FAT1: variants seen among roughly 807,000 people sequenced by gnomAD.
The protein encoded by FAT1 is FAT atypical cadherin 1.
Under a neutral mutation model 329.8 loss-of-function variants are expected in FAT1, and 171 were observed. The ratio of observed to expected loss-of-function variants is 0.52; its 90% confidence interval spans 0.46 to 0.59. The LOEUF (loss-of-function observed/expected upper bound fraction) is 0.59. Ranked by LOEUF, FAT1 falls within the 20% of genes least tolerant of loss-of-function variation. The probability of loss-of-function intolerance (pLI) is 0.00; values close to 1 mark genes in which losing one functional copy is unlikely to be tolerated. For synonymous variants in FAT1, 2,233 were observed against 2,228.6 expected, an observed-to-expected ratio of 1.00 and a Z score of -0.06; for missense variants, 5,672 against 5,774.4, an observed-to-expected ratio of 0.98 and a Z score of 0.57.
chr4:186,618,048 A>G lies in FAT1; in HGVS notation c.8538T>C (p.Tyr2846=), dbSNP rs1198866664. Residue 2846 remains tyrosine, a synonymous_variant, in exon 10 of 27, where the codon TAT becomes TAC. Transcript: ENST00000441802. ...ADSGTNGQVM[Y]SLDQSQSVEV... The stretch of plus-strand genomic sequence containing the variant: ...CCACACTTTGTGACTGATCCAGGCT[A>G]TACATAACTTGGCCGTTGGTTCCTG... The G allele has an allele frequency of 3.1e-6, 5 of 1,613,928 alleles. No homozygotes were observed. The highest frequency in any genetic ancestry group is 4.2e-6 in the Non-Finnish European group (5 of 1,179,902).
intron 1 of FAT1, among the ~76,000 whole-genome samples, chr4:186,715,723 C>A (rs1280429833): frequency 2.0e-5 from 3 of 152,180 alleles, no homozygotes; most frequent in Non-Finnish European, 2.9e-5. Context: ...GGTGATCACA[C>A]TACTTAAACT....
rs2126391628 is a variant in FAT1 at position 186,596,893 on chromosome 4, G to C, written c.12647C>G (p.Pro4216Arg). Residue 4216 changes from proline (P) to arginine (R), a missense_variant, in exon 25 of 27, where the codon CCT becomes CGT. Physicochemically the swap from Pro to Arg is moderately radical, Grantham distance 103. Transcript: ENST00000441802. This position sits in a 1 kb window ranked among gnomAD's most constrained non-coding sequence, Gnocchi z 4.7. ...ISRKKKHQAEPKDKHLGPATA... is the reference protein window; with the variant it reads ...ISRKKKHQAERKDKHLGPATA... Reference sequence around the variant, plus strand: ...AGCGGGTCCCAGGTGCTTGTCTTTAGGTTCAGCCTGATGCTTCTTTTTCCG... The same window carrying C: ...AGCGGGTCCCAGGTGCTTGTCTTTACGTTCAGCCTGATGCTTCTTTTTCCG... 1.2e-6 allele frequency: 2 copies of C among 1,614,010 alleles called. No individual in the cohort carries two copies. Among genetic ancestry groups the C allele is most frequent in the Non-Finnish European group, 1.7e-6 (2 of 1,179,894 alleles).
chr4:186,588,709 T>C lies in FAT1; in HGVS notation c.13650A>G (p.Ser4550=), dbSNP rs2126348626. ...CCTCGGACTCCACTTCGCAGCAGGCTGACACGTCAGAGCAGGAGGCGGTGG... is the reference window on the plus strand; with the variant it reads ...CCTCGGACTCCACTTCGCAGCAGGCCGACACGTCAGAGCAGGAGGCGGTGG... ...YASTASCSDV[S]ACCEVESEVM... Residue 4550 remains serine (S), a synonymous_variant, in exon 27 of 27, where the codon TCA becomes TCG. Transcript: ENST00000441802. 1 of 1,613,994 alleles carries C rather than the reference T, an allele frequency of 6.2e-7. No homozygotes were observed. Among genetic ancestry groups the C allele is most frequent in the South Asian group, 1.1e-5 (1 of 91,078 alleles).
rs2126688600 is a variant in FAT1 at position 186,707,445 on chromosome 4, A to G, written c.2383T>C (p.Tyr795His). The change falls in exon 2 of 27, where the codon TAT becomes CAT. Residue 795 changes from tyrosine (Y) to histidine (H), a missense_variant. Tyr to His is a moderately conservative substitution (Grantham distance 83, BLOSUM62 2). Around this residue, in one of 2 missense-constraint regions of FAT1, gnomAD observed 3,966 missense variants for 3,915.2 expected, o/e 1.01. Coordinates refer to ENST00000441802, the MANE Select transcript of FAT1 (RefSeq NM_005245.4). ...GCCTTCTGGGGTATCCCAAGGTCAT[A>G]GACGGTAATATTCAGGGTGTATTTG... is the stretch of plus-strand genomic sequence containing the variant. ...TDKYTLNITV[Y>H]DLGIPQKAAW... The G allele has an allele frequency of 6.2e-7, 1 of 1,614,012 alleles. No homozygotes were observed. The highest frequency in any genetic ancestry group is 1.1e-5 in the South Asian group (1 of 91,080).
At chr4:186,622,671 T>G (rs1301815690) in intron 9 of FAT1, among the ~76,000 whole-genome samples, 1 of 152,254 alleles carries the variant, frequency 6.6e-6, no homozygotes, top group Non-Finnish European at 1.5e-5. Flanking sequence ...TGTATAATTT[T>G]GTATCATCGA....
Position 186,600,264 on chromosome 4 carries a change from C to T in FAT1, c.11737G>A (p.Ala3913Thr), listed in dbSNP as rs773650405. The T allele has an allele frequency of 5.6e-6, 9 of 1,613,864 alleles. No individual in the cohort carries two copies. Among genetic ancestry groups the T allele is most frequent in the Middle Eastern group, 1.6e-4 (1 of 6,062 alleles). The change falls in exon 22 of 27, where the codon GCA (alanine) becomes ACA (threonine). Residue 3913 changes from alanine (A) to threonine (T), a missense_variant. Coordinates refer to ENST00000441802, the MANE Select transcript of FAT1 (RefSeq NM_005245.4). ...TTTCCATTCACTTCCAGGGCCACTG[C>T]GTGCCACTGCCCATCATTGACCTGA... ...SIQVNDGQWH[A>T]VALEVNGNYA...
chr4:186,598,380 AGAG>A, intron 22 of FAT1: 1 of 357,210 alleles, frequency 2.8e-6, no homozygotes. Flanking sequence ...TCACACATAT[AGAG>A]GAGGAAAATA....
At chr4:186,597,264 T>G in intron 24 of FAT1, 93 bp from the exon 25 acceptor site, 1 of 1,322,032 alleles carries the variant, frequency 7.6e-7, no homozygotes, top group Middle Eastern at 1.9e-4. Context: ...TAATCCCTCC[T>G]TGATGAGCTA....
chr4:186,605,225 A>T (rs1739051023), intron 17 of FAT1, among the ~76,000 whole-genome samples: 1 of 148,842 alleles, frequency 6.7e-6, no homozygotes. Flanking sequence ...AGAAAAAAAA[A>T]AAAAAAAAAA....
At chr4:186,632,377 T>C (rs1740640996) in intron 7 of FAT1, among the ~76,000 whole-genome samples, 2 of 152,178 alleles carry the variant, frequency 1.3e-5, no homozygotes, top group Admixed American at 1.3e-4. Flanking sequence ...GGTCTACAGT[T>C]ATACCCCTTA....
chr4:186,611,560 G>C lies in FAT1; in HGVS notation c.9679C>G (p.Pro3227Ala), dbSNP rs761484996. The C allele has an allele frequency of 6.2e-7, 1 of 1,613,838 alleles. No individual in the cohort carries two copies. The highest frequency in any genetic ancestry group is 1.3e-5 in the African/African-American group (1 of 75,002). Residue 3227 changes from proline to alanine, a missense_variant, in exon 14 of 27, where the codon CCC becomes GCC. Pro to Ala is a conservative substitution (Grantham distance 27, BLOSUM62 -1). Transcript: ENST00000441802. ...TATTCACGGTACTCAAACACAGGGG[G>C]GTTGTCATTTATGTCAAGAACTGAT... is the stretch of plus-strand genomic sequence containing the variant. The part of the protein sequence containing the change: ...IVSVLDINDN[P>A]PVFEYREYGA...
At chr4:186,674,819 A>C (rs1284831681) in intron 2 of FAT1, among the ~76,000 whole-genome samples, 1 of 152,162 alleles carries the variant, frequency 6.6e-6, no homozygotes, top group Non-Finnish European at 1.5e-5. Context: ...GGATCACTTG[A>C]GCCCAAGAGT....
intron 3 of FAT1, among the ~76,000 whole-genome samples, chr4:186,654,115 C>T (rs555735039): frequency 4.6e-5 from 7 of 152,282 alleles, no homozygotes; most frequent in South Asian, 2.1e-4. Flanking sequence ...CACTGAGAAG[C>T]GGCAGCCAGG....
intron 1 of FAT1, among the ~76,000 whole-genome samples, chr4:186,723,205 G>A (rs867731673): frequency 6.6e-6 from 1 of 152,232 alleles, no homozygotes; most frequent in Non-Finnish European, 1.5e-5. Context: ...GCAGTCCACC[G>A]GTTGCATCTG....
At chr4:186,696,592 A>C (rs931766004) in intron 2 of FAT1, among the ~76,000 whole-genome samples, 2 of 152,220 alleles carry the variant, frequency 1.3e-5, no homozygotes, top group Admixed American at 1.3e-4. Flanking sequence ...CTAAGAATAA[A>C]GAGGCAAGTA....
Position 186,603,166 on chromosome 4 carries a change from T to C in FAT1, c.11350+10A>G, listed in dbSNP as rs1026421684. On this transcript the variant is annotated intron_variant, in intron 19 of 26. Transcript: ENST00000441802. ...TGTGACACCGACTTTCATACACTCA[T>C]GTGCAGTACCTTTGCAGAGACACAC... 3.1e-6 allele frequency: 5 copies of C among 1,613,386 alleles called. No individual in the cohort carries two copies. Among genetic ancestry groups the C allele is most frequent in the South Asian group, 2.2e-5 (2 of 91,050 alleles).
chr4:186,601,152 G>T, intron 21 of FAT1, 117 bp downstream of exon 21: 3 of 933,438 alleles, frequency 3.2e-6, no homozygotes, highest in Non-Finnish European at 4.6e-6. Flanking sequence ...TTATTTAAAT[G>T]TGGAATTCAA....
chr4:186,615,062 G>A lies in FAT1; in HGVS notation c.9076-718C>T, dbSNP rs550697310. On this transcript the variant is annotated intron_variant, in intron 11 of 26. Transcript: ENST00000441802. Reference sequence around the variant, plus strand: ...ACTCAACTACCAGTGAAGTACTCACGGAAAAGTACTCCATGAAAAAGGACT... The same window carrying A: ...ACTCAACTACCAGTGAAGTACTCACAGAAAAGTACTCCATGAAAAAGGACT... Among the ~76,000 whole-genome samples the A allele has an allele frequency of 1.9e-3, 295 of 151,822 alleles. 1 individual carries two copies. Among genetic ancestry groups the A allele is most frequent in the Non-Finnish European group, 3.4e-3 (230 of 67,972 alleles).
At chr4:186,659,913 G>A (rs1441374487) in intron 3 of FAT1, among the ~76,000 whole-genome samples, 2 of 147,964 alleles carry the variant, frequency 1.4e-5, no homozygotes. Flanking sequence ...CACACAAGCC[G>A]GCTGTGGCAC....
Sources: gnomAD v4.1 joint callset for allele counts (sites outside exome capture counted in the v4.1 genomes callset) on GRCh38, gnomAD v4.1.1 for gene constraint, gnomAD v4.1.1 regional missense constraint, Gnocchi (gnomAD v3.1) non-coding constraint, MANE v1.5 for transcripts, NCBI Gene and HGNC (gene_info 2026-07-23, HGNC 2026-07-21) for gene names.